SDC3: variants seen among roughly 807,000 people sequenced by gnomAD.
SDC3 encodes the protein syndecan-3.
A neutral mutation model predicts 24.4 loss-of-function variants in SDC3; 13 were observed. That is an observed-to-expected ratio of 0.53 (90% CI 0.35 to 0.85). SDC3 has a LOEUF of 0.85. SDC3 is among the 40% of genes least tolerant of loss of function. The pLI is 0.01. For missense variants in SDC3, 571 were observed against 584.5 expected (o/e 0.98, Z 0.24); for synonymous variants, 295 against 260.9 (o/e 1.13, Z -1.26).
chr1:30,872,249 G>C lies in SDC3; in HGVS notation c.*962C>G, dbSNP rs939118061. ...GCTGGAGACAATGTGTGTGGTGCCA[G>C]AGTGTGGGTGTATTTGGGGTAGGAG... On this transcript the variant is annotated 3_prime_UTR_variant, in exon 5 of 5. Transcript: ENST00000339394. 8 of 152,326 alleles carry C rather than the reference G, an allele frequency of 5.3e-5. No individual in the cohort carries two copies. Among genetic ancestry groups the C allele is most frequent in the Admixed American group, 3.3e-4 (5 of 15,282 alleles). The allele number at this position is 152,326 out of a possible 1,614,324, so 9.4% of individuals were successfully genotyped here.
chr1:30,886,099 C>T (rs1639823840), intron 1 of SDC3, among the ~76,000 whole-genome samples: 1 of 151,744 alleles, frequency 6.6e-6, no homozygotes, highest in South Asian at 2.1e-4. Context: ...ACCCCCCACA[C>T]CCCACTCCCA....
At chr1:30,874,752 G>T (rs1049601816) in intron 3 of SDC3, among the ~76,000 whole-genome samples, 164 bp from the exon 4 acceptor site, 3 of 152,260 alleles carry the variant, frequency 2.0e-5, no homozygotes, top group Non-Finnish European at 2.9e-5. Context: ...CCAGTTTACA[G>T]AGCAGGAAGT....
At chr1:30,900,207 G>A (rs1227783465) in intron 1 of SDC3, among the ~76,000 whole-genome samples, 1 of 152,140 alleles carries the variant, frequency 6.6e-6, no homozygotes, top group Non-Finnish European at 1.5e-5. Flanking sequence ...GGGTAACCAT[G>A]CCTGCCTCAC....
chr1:30,883,416 T>C (rs1024285277), intron 1 of SDC3, among the ~76,000 whole-genome samples: 2 of 152,174 alleles, frequency 1.3e-5, no homozygotes, highest in Admixed American at 6.5e-5. Context: ...AGAGGCGACA[T>C]GAGCAAGGGG....
At chr1:30,884,369 C>T (rs1639797536) in intron 1 of SDC3, among the ~76,000 whole-genome samples, 1 of 152,116 alleles carries the variant, frequency 6.6e-6, no homozygotes, top group African/African-American at 2.4e-5. Flanking sequence ...AACCTATCCC[C>T]ACCCCCTACT....
At chr1:30,901,101 G>A (rs1168440673) in intron 1 of SDC3, among the ~76,000 whole-genome samples, 1 of 152,200 alleles carries the variant, frequency 6.6e-6, no homozygotes, top group East Asian at 1.9e-4. Flanking sequence ...TCCTGGCTGT[G>A]TGTGCTTTGG....
rs1479136193 is a variant in SDC3, at chr1:30,878,759, G to A, written c.139-19C>T. ...GCTGGGCCTAGGGAAGGTAGAGGTG[G>A]ACACAGGGCTCGGCACCCGAGACTG... is the stretch of plus-strand genomic sequence containing the variant. On this transcript the variant is annotated intron_variant, in intron 1 of 4. Transcript: ENST00000339394. 1 of 1,608,418 alleles carries A rather than the reference G, an allele frequency of 6.2e-7. No homozygotes were observed. Among genetic ancestry groups the A allele is most frequent in the African/African-American group, 1.3e-5 (1 of 74,846 alleles).
At chr1:30,909,695 C>A (rs1374357024), upstream of SDC3, among the ~76,000 whole-genome samples, 1 of 152,194 alleles carries the variant, frequency 6.6e-6, no homozygotes, top group Non-Finnish European at 1.5e-5. Context: ...ATGTCCCCAG[C>A]ACCAGCACAG....
intron 1 of SDC3, among the ~76,000 whole-genome samples, chr1:30,883,223 G>C (rs1446606235): frequency 1.3e-5 from 2 of 152,206 alleles, no homozygotes; most frequent in Non-Finnish European, 2.9e-5. Flanking sequence ...GGGAGAAAGG[G>C]CAAGTTACAG....
At chr1:30,879,027 A>G in intron 1 of SDC3, 1 of 358,234 alleles carries the variant, frequency 2.8e-6, no homozygotes, top group South Asian at 3.9e-5. Flanking sequence ...ATATTGTGAA[A>G]ACTAAATTCA....
intron 1 of SDC3, among the ~76,000 whole-genome samples, chr1:30,884,105 G>A (rs970999212): frequency 1.6e-4 from 25 of 151,970 alleles, no homozygotes; most frequent in African/African-American, 5.8e-4. Context: ...CCCAGCCACA[G>A]CTGCCCTGGC....
chr1:30,890,669 A>G (rs749646319), intron 1 of SDC3, among the ~76,000 whole-genome samples: 1 of 152,238 alleles, frequency 6.6e-6, no homozygotes, highest in Non-Finnish European at 1.5e-5. Context: ...TGTTGTTTCA[A>G]AAATAACAAT....
intron 1 of SDC3, 109 bp downstream of exon 1, chr1:30,908,340 G>T (rs1341198725): frequency 1.6e-5 from 9 of 560,372 alleles, no homozygotes; most frequent in Non-Finnish European, 1.8e-5. Flanking sequence ...GAAGCAGCCG[G>T]GGGGGAGGGA....
Position 30,878,684 on chromosome 1 carries a change from C to T in SDC3, c.195G>A (p.Gly65=), listed in dbSNP as rs754570124. The T allele has an allele frequency of 1.9e-6, 3 of 1,614,192 alleles. No homozygotes were observed. In the South Asian group the frequency reaches 3.3e-5, roughly 18 times the overall value. The change falls in exon 2 of 5, where the codon GGG becomes GGA. Residue 65 remains glycine (G), a synonymous_variant. Coordinates refer to ENST00000339394, the MANE Select transcript of SDC3 (RefSeq NM_014654.4). The part of the protein sequence containing the change: ...FERPVDLEGS[G]DDDSFPDDEL... ...CATCATCGGGAAAGGAGTCATCATCCCCAGAGCCCTCCAGGTCCACGGGTC... is the reference window on the plus strand; with the variant it reads ...CATCATCGGGAAAGGAGTCATCATCTCCAGAGCCCTCCAGGTCCACGGGTC...
chr1:30,901,319 C>A (rs965719703), intron 1 of SDC3, among the ~76,000 whole-genome samples: 3 of 152,200 alleles, frequency 2.0e-5, no homozygotes, highest in Non-Finnish European at 2.9e-5. Flanking sequence ...CCCCTGAGAT[C>A]CTGCGTAAAC....
chr1:30,878,732 G>A lies in SDC3; in HGVS notation c.147C>T (p.Arg49=). 6.2e-7 allele frequency: 1 copy of A among 1,614,156 alleles called. No homozygotes were observed. The highest frequency in any genetic ancestry group is 1.1e-5 in the South Asian group (1 of 91,086). ...LLAGRAAGAQ[R]WRSENFERPV... ...GTCTCTCGAAGTTCTCACTGCGCCA[G>A]CGCTGGGCCTAGGGAAGGTAGAGGT... Residue 49 remains arginine, a synonymous_variant, in exon 2 of 5, where the codon CGC becomes CGT. Transcript: ENST00000339394.
intron 1 of SDC3, among the ~76,000 whole-genome samples, chr1:30,896,681 C>G (rs1638267375): frequency 6.6e-6 from 1 of 152,142 alleles, no homozygotes; most frequent in African/African-American, 2.4e-5. Context: ...GATGTACAGA[C>G]TGGGCTTACA....
chr1:30,893,298 C>A (rs1639933375), intron 1 of SDC3, among the ~76,000 whole-genome samples: 1 of 27,994 alleles, frequency 3.6e-5, no homozygotes, highest in Non-Finnish European at 7.1e-5. Flanking sequence ...CCCCACCCAC[C>A]AGGAGCCCCC....
intron 1 of SDC3, among the ~76,000 whole-genome samples, chr1:30,907,123 C>T (rs892791368): frequency 5.3e-5 from 8 of 152,172 alleles, no homozygotes; most frequent in African/African-American, 1.9e-4. Context: ...TTGCAGAGGG[C>T]GGCTGGGCAC....
Sources: gnomAD v4.1 joint callset for allele counts (sites outside exome capture counted in the v4.1 genomes callset) on GRCh38, gnomAD v4.1.1 for gene constraint, MANE v1.5 for transcripts, NCBI Gene and HGNC (gene_info 2026-07-23, HGNC 2026-07-21) for gene names.